TAS1R1: variants seen among roughly 807,000 people sequenced by gnomAD.
TAS1R1 encodes taste receptor type 1 member 1.
Under a neutral mutation model 45.8 loss-of-function variants are expected in TAS1R1, and 31 were observed. The ratio of observed to expected loss-of-function variants is 0.68; its 90% CI spans 0.51 to 0.91. The LOEUF (loss-of-function observed/expected upper bound fraction) is 0.91, where lower values mean the gene tolerates loss of function less well. Ranked by LOEUF, TAS1R1 falls within the 40% of genes least tolerant of loss-of-function variation. The probability of loss-of-function intolerance (pLI) is 0.00; values close to 1 mark genes in which losing one functional copy is unlikely to be tolerated. For synonymous variants in TAS1R1, 437 were observed against 448.4 expected (o/e 0.97, Z 0.32); for missense variants, 1,051 against 1,063.9 (o/e 0.99, Z 0.17).
At chr1:6,557,223 G>T (rs1639702395) in intron 1 of TAS1R1, among the ~76,000 whole-genome samples, 1 of 151,792 alleles carries the variant, frequency 6.6e-6, no homozygotes, top group Admixed American at 6.6e-5. Context: ...GAGATAAAGA[G>T]AATGGGCTGG....
intron 4 of TAS1R1, 92 bp from the exon 5 acceptor site, chr1:6,576,858 A>G: frequency 6.3e-7 from 1 of 1,593,100 alleles, no homozygotes; most frequent in Non-Finnish European, 8.6e-7. Context: ...GTGAGCCCTG[A>G]GGGCAGATGC....
At position 6,574,768 on chromosome 1, in the gene TAS1R1, T is replaced by C; in HGVS notation, c.636T>C (p.Ser212=). 6.2e-7 allele frequency: 1 copy of C among 1,614,256 alleles called. No individual in the cohort carries two copies. Among genetic ancestry groups the C allele is most frequent in the Non-Finnish European group, 8.5e-7 (1 of 1,180,036 alleles). ...LLQKFGWTWI[S]LVGSSDDYGQ... ...AGAAGTTCGGGTGGACCTGGATCTC[T>C]CTGGTTGGCAGCAGTGACGACTATG... is the stretch of plus-strand genomic sequence containing the variant. The change falls in exon 3 of 6, where the codon TCT becomes TCC. Residue 212 remains serine, a synonymous_variant. Transcript: ENST00000333172. This position sits in a 1 kb window ranked among gnomAD's most constrained non-coding sequence, Gnocchi z 4.3.
At chr1:6,562,996 G>T (rs886714595) in intron 1 of TAS1R1, among the ~76,000 whole-genome samples, 9 of 152,174 alleles carry the variant, frequency 5.9e-5, no homozygotes, top group Non-Finnish European at 1.2e-4. Context: ...GAATCGTTTT[G>T]TGTCTACCAG....
rs536322488 is a variant in TAS1R1 at position 6,567,430 on chromosome 1, T to G, written c.192-3479T>G. ...AAAAAATTAGCCAGGCGTGGTGGTGTGCGCCTGTAGTCCCAGCTACTTGGG... is the reference window on the plus strand; with the variant it reads ...AAAAAATTAGCCAGGCGTGGTGGTGGGCGCCTGTAGTCCCAGCTACTTGGG... On this transcript the variant is annotated intron_variant, in intron 1 of 5. Coordinates refer to ENST00000333172, the MANE Select transcript of TAS1R1 (RefSeq NM_138697.4). 1.6e-3 allele frequency among the ~76,000 whole-genome samples: 249 copies of G among 151,700 alleles called. 1 individual carries two copies. The highest frequency in any genetic ancestry group is 5.7e-3 in the African/African-American group (238 of 41,438).
At position 6,555,454 on chromosome 1, in the gene TAS1R1, G is replaced by C; in HGVS notation, c.81G>C (p.Glu27Asp). ...GGGCCTTTGCCTGCCATAGCACGGA[G>C]TCTTCTCCTGACTTCACCCTCCCCG... ...CCWAFACHSTESSPDFTLPGD... is the reference protein window; with the variant it reads ...CCWAFACHSTDSSPDFTLPGD... Residue 27 changes from glutamate (E) to aspartate (D), a missense_variant, in exon 1 of 6, where the codon GAG becomes GAC. Glu to Asp is a conservative substitution (Grantham distance 45, BLOSUM62 2). Coordinates refer to ENST00000333172, the MANE Select transcript of TAS1R1 (RefSeq NM_138697.4). 6.2e-7 allele frequency: 1 copy of C among 1,606,594 alleles called. No individual in the cohort carries two copies.
intron 1 of TAS1R1, among the ~76,000 whole-genome samples, chr1:6,557,812 T>C (rs1181357341): frequency 6.6e-6 from 1 of 152,156 alleles, no homozygotes; most frequent in East Asian, 1.9e-4. Flanking sequence ...CAAGCAATCC[T>C]CCATCCTCAG....
chr1:6,578,809 C>G lies in TAS1R1; in HGVS notation c.1751C>G (p.Thr584Ser), dbSNP rs150086435. The G allele has an allele frequency of 1.3e-4, 204 of 1,613,796 alleles. No individual in the cohort carries two copies. In the African/African-American group the frequency reaches 2.4e-3, roughly 19 times the overall value. ...NTLLLLLLLGTAGLFAWHLDT... is the reference protein window; with the variant it reads ...NTLLLLLLLGSAGLFAWHLDT... ...CTGCTGCTGCTGCTGCTGCTTGGGA[C>G]TGCTGGCCTGTTTGCCTGGCACCTA... is the stretch of plus-strand genomic sequence containing the variant. The change falls in exon 6 of 6, where the codon ACT (threonine) becomes AGT (serine). Residue 584 changes from threonine to serine, a missense_variant. By Grantham distance (58) the Thr-to-Ser change is moderately conservative (BLOSUM62 1). Transcript: ENST00000333172.
intron 1 of TAS1R1, among the ~76,000 whole-genome samples, chr1:6,567,144 G>A (rs922158968): frequency 6.6e-6 from 1 of 152,300 alleles, no homozygotes; most frequent in South Asian, 2.1e-4. Flanking sequence ...AAGACTATGA[G>A]AAAATGGTAT....
At chr1:6,559,998 CAAAAA>C (rs58759461) in intron 1 of TAS1R1, among the ~76,000 whole-genome samples, 5 of 97,864 alleles carry the variant, frequency 5.1e-5, no homozygotes, top group African/African-American at 2.0e-4. Context: ...AACTCTGTCT[CAAAAA>C]AAAAAAAAAA....
In TAS1R1 at chr1:6,577,082, A is replaced by G. The variant is rs550185569; in HGVS notation, c.1594+12A>G. Reference sequence around the variant, plus strand: ...CCTCAACAAGAGTGGTGAGTGGGCAATGGAGCAGGCGAGCTACCCAGCACT... The same window carrying G: ...CCTCAACAAGAGTGGTGAGTGGGCAGTGGAGCAGGCGAGCTACCCAGCACT... On this transcript the variant is annotated intron_variant, in intron 5 of 5. Coordinates refer to ENST00000333172, the MANE Select transcript of TAS1R1 (RefSeq NM_138697.4). 208 of 1,614,096 alleles carry G rather than the reference A, an allele frequency of 1.3e-4. 2 individuals carry two copies. In the South Asian group the frequency reaches 2.1e-3, roughly 16 times the overall value.
At chr1:6,555,883 T>TTTTTTG in intron 1 of TAS1R1, among the ~76,000 whole-genome samples, 1 of 121,580 alleles carries the variant, frequency 8.2e-6, no homozygotes, top group South Asian at 2.7e-4. Context: ...TTTTTTTTTT[T>TTTTTTG]TTTTTTGAGA....
chr1:6,566,432 G>T (rs1639872833), intron 1 of TAS1R1, among the ~76,000 whole-genome samples: 1 of 152,182 alleles, frequency 6.6e-6, no homozygotes, highest in South Asian at 2.1e-4. Context: ...TGGCTTGGAG[G>T]TCTTGAACGA....
chr1:6,577,223 C>T (rs1312756622), intron 5 of TAS1R1, among the ~76,000 whole-genome samples, 153 bp downstream of exon 5: 1 of 152,260 alleles, frequency 6.6e-6, no homozygotes, highest in Non-Finnish European at 1.5e-5. Context: ...CACCTGCTAC[C>T]AGACAGAATT....
chr1:6,566,410 C>A (rs1257509240), intron 1 of TAS1R1, among the ~76,000 whole-genome samples: 1 of 152,098 alleles, frequency 6.6e-6, no homozygotes, highest in Non-Finnish European at 1.5e-5. Context: ...AATAGGAGGA[C>A]TGCCTGATTA....
intron 1 of TAS1R1, among the ~76,000 whole-genome samples, chr1:6,560,002 A>AG (rs1639755039): frequency 6.7e-6 from 1 of 150,264 alleles, no homozygotes; most frequent in African/African-American, 2.4e-5. Context: ...CTGTCTCAAA[A>AG]AAAAAAAAAA....
At chr1:6,562,664 G>A (rs1639810230) in intron 1 of TAS1R1, among the ~76,000 whole-genome samples, 1 of 152,142 alleles carries the variant, frequency 6.6e-6, no homozygotes, top group African/African-American at 2.4e-5. Context: ...ACGGCTCTGC[G>A]TTGACGGACT....
At chr1:6,567,606 G>A (rs1040851653) in intron 1 of TAS1R1, among the ~76,000 whole-genome samples, 1 of 151,504 alleles carries the variant, frequency 6.6e-6, no homozygotes, top group Non-Finnish European at 1.5e-5. Context: ...GATACTAGCA[G>A]AGTTACCCTG....
chr1:6,560,882 G>T (rs113212357), intron 1 of TAS1R1, among the ~76,000 whole-genome samples: 3,294 of 150,938 alleles, frequency 0.022, 116 homozygotes, highest in African/African-American at 0.075. Context: ...TACTCGGGAG[G>T]CTGAGGCAGG....
At chr1:6,566,424 G>T (rs1184839734) in intron 1 of TAS1R1, among the ~76,000 whole-genome samples, 2 of 152,122 alleles carry the variant, frequency 1.3e-5, no homozygotes, top group African/African-American at 4.8e-5. Flanking sequence ...CTGATTAATG[G>T]CTTGGAGGTC....
Sources: allele counts gnomAD v4.1 joint callset (sites outside exome capture counted in the v4.1 genomes callset), GRCh38; gene constraint gnomAD v4.1.1; non-coding constraint Gnocchi (gnomAD v3.1); transcripts MANE v1.5; gene names NCBI Gene and HGNC (gene_info 2026-07-23, HGNC 2026-07-21).